CLCN6: variants seen among roughly 807,000 people sequenced by gnomAD.
CLCN6 encodes Cl-/H+ antiporter 6, also known as H(+)/Cl(-) exchange transporter 6.
Under a neutral mutation model 109.8 loss-of-function variants are expected in CLCN6, and 70 were observed. That is an observed-to-expected ratio of 0.64 (90% CI 0.53 to 0.78). The LOEUF (loss-of-function observed/expected upper bound fraction) is 0.78, where lower values mean the gene tolerates loss of function less well. CLCN6 is among the 30% of genes least tolerant of loss of function. The pLI, the probability that CLCN6 is intolerant of heterozygous loss-of-function variation, is 0.00. For synonymous variants in CLCN6, 444 were observed against 447.8 expected (o/e 0.99, Z 0.11); for missense variants, 984 against 1,142.3 (o/e 0.86, Z 2.00).
chr1:11,814,614 T>TCTCTAA (rs1644644597), intron 2 of CLCN6, among the ~76,000 whole-genome samples: 1 of 152,178 alleles, frequency 6.6e-6, no homozygotes, highest in Non-Finnish European at 1.5e-5. Context: ...TAAATGTCTG[T>TCTCTAA]GGCATACCTG....
intron 6 of CLCN6, among the ~76,000 whole-genome samples, 173 bp downstream of exon 6, chr1:11,822,974 C>G (rs1644765026): frequency 6.6e-6 from 1 of 152,262 alleles, no homozygotes; most frequent in South Asian, 2.1e-4. Flanking sequence ...GAAGAAAGGC[C>G]TCCCAGGTGA....
At chr1:11,816,986 T>A (rs751799642) in intron 4 of CLCN6, among the ~76,000 whole-genome samples, 1 of 152,194 alleles carries the variant, frequency 6.6e-6, no homozygotes, top group Non-Finnish European at 1.5e-5. Context: ...TTTTATGATA[T>A]GATTATGGAT....
chr1:11,826,639 A>G (rs1644815335), intron 9 of CLCN6, among the ~76,000 whole-genome samples: 1 of 152,212 alleles, frequency 6.6e-6, no homozygotes, highest in Non-Finnish European at 1.5e-5. Flanking sequence ...TCTTTCAATC[A>G]GAGACTCAGT....
chr1:11,827,957 G>A, intron 10 of CLCN6, 149 bp from the exon 11 acceptor site: 2 of 687,066 alleles, frequency 2.9e-6, no homozygotes, highest in East Asian at 2.5e-5. Flanking sequence ...TACCTGGGGT[G>A]TATCTACTGT....
In CLCN6 at chr1:11,816,622, G is replaced by A. The variant is rs773306820; in HGVS notation, c.221G>A (p.Arg74Gln). Residue 74 changes from arginine (R) to glutamine (Q), a missense_variant, in exon 4 of 23, where the codon CGA becomes CAA. By Grantham distance (43) the Arg-to-Gln change is conservative. Transcript: ENST00000346436. ...VLETMDNKKG[R>Q]RYEAVKWMVV... ...CTTTTCCTGTGTGAACAGAAAGGTCGAAGATATGAGGCGGTGAAGTGGATG... is the reference window on the plus strand; with the variant it reads ...CTTTTCCTGTGTGAACAGAAAGGTCAAAGATATGAGGCGGTGAAGTGGATG... 3.7e-6 allele frequency: 6 copies of A among 1,612,670 alleles called. No homozygotes were observed. In the South Asian group the frequency reaches 4.4e-5, roughly 12 times the overall value.
chr1:11,824,883 GA>G (rs1644792387), intron 8 of CLCN6, among the ~76,000 whole-genome samples: 1 of 152,186 alleles, frequency 6.6e-6, no homozygotes, highest in Admixed American at 6.5e-5. Context: ...CCAGATCCAA[GA>G]GGCTCGAAGC....
intron 3 of CLCN6, 22 bp from the exon 4 acceptor site, chr1:11,816,593 C>T: frequency 6.2e-7 from 1 of 1,607,394 alleles, no homozygotes; most frequent in Non-Finnish European, 8.5e-7. Context: ...TAAACTGAAT[C>T]ATTCTTTTCC....
intron 2 of CLCN6, among the ~76,000 whole-genome samples, chr1:11,812,143 C>G (rs1440804258): frequency 6.6e-6 from 1 of 152,164 alleles, no homozygotes; most frequent in Non-Finnish European, 1.5e-5. Context: ...TTGTCACCTG[C>G]ATTTCTCAGC....
At chr1:11,815,541 G>A (rs1221960597) in intron 2 of CLCN6, among the ~76,000 whole-genome samples, 3 of 152,158 alleles carry the variant, frequency 2.0e-5, no homozygotes, top group Non-Finnish European at 4.4e-5. Context: ...GACTACAGGT[G>A]CGCGCCACCA....
intron 5 of CLCN6, 59 bp from the exon 6 acceptor site, chr1:11,822,636 A>G (rs746116505): frequency 1.0e-6 from 1 of 991,296 alleles, no homozygotes; most frequent in Non-Finnish European, 1.6e-6. Context: ...CACCCTCTCA[A>G]GTGATGACGG....
In CLCN6 at chr1:11,837,122, A is replaced by G; in HGVS notation, c.2104A>G (p.Lys702Glu). 1 of 1,613,220 alleles carries G rather than the reference A, an allele frequency of 6.2e-7. No homozygotes were observed. Among genetic ancestry groups the G allele is most frequent in the Non-Finnish European group, 8.5e-7 (1 of 1,179,988 alleles). The change falls in exon 19 of 23, where the codon AAG (lysine) becomes GAG (glutamate). Residue 702 changes from lysine (K) to glutamate (E), a missense_variant. By Grantham distance (56) the Lys-to-Glu change is moderately conservative. Transcript: ENST00000346436. ...EHIASEEPAE[K>E]EDLLQQMLER... ...CATCGCCTCTGAGGAGCCAGCCGAG[A>G]AGGAGGACCTCCTGCAGCAGATGCT...
intron 13 of CLCN6, 119 bp from the exon 14 acceptor site, chr1:11,833,396 C>T (rs1644903717): frequency 1.1e-6 from 1 of 929,084 alleles, no homozygotes; most frequent in Non-Finnish European, 1.7e-6. Context: ...CAGTTTTTGG[C>T]CTGTTTGATT....
At chr1:11,819,615 C>A in intron 5 of CLCN6, 61 bp downstream of exon 5, 2 of 1,456,088 alleles carry the variant, frequency 1.4e-6, no homozygotes, top group Non-Finnish European at 1.9e-6. Context: ...TTCTTTCTTA[C>A]ATAGAAATGG....
intron 5 of CLCN6, chr1:11,820,347 C>T (rs1644725315): frequency 5.6e-6 from 4 of 715,096 alleles, no homozygotes; most frequent in Non-Finnish European, 1.0e-5. Flanking sequence ...ATTCCTATTT[C>T]ATACTATAAA....
chr1:11,815,576 G>T (rs1397501224), intron 2 of CLCN6, among the ~76,000 whole-genome samples: 2 of 152,118 alleles, frequency 1.3e-5, no homozygotes, highest in Admixed American at 1.3e-4. Context: ...TGTATTTTTA[G>T]TAGAGACAGG....
chr1:11,806,399 T>C, intron 1 of CLCN6, 50 bp downstream of exon 1: 1 of 1,426,204 alleles, frequency 7.0e-7, no homozygotes, highest in Non-Finnish European at 9.1e-7. Context: ...GCTAAGGGAC[T>C]GAGAGAGGCG....
Position 11,828,627 on chromosome 1 carries a change from A to ATCTGCACAG in CLCN6, c.1121+6_1121+14dup, listed in dbSNP as rs1233388466. On this transcript the variant is annotated splice_donor_region_variant and intron_variant, in intron 12 of 22. Transcript: ENST00000346436. ...CACCCGAAACCTAAGCTCGTCAGGTATCTGCACAGTCGCCTCCCCCCCGAG... is the reference window on the plus strand; with the variant it reads ...CACCCGAAACCTAAGCTCGTCAGGTATCTGCACAGTCTGCACAGTCGCCTCCCCCCCGAG... 1 of 1,600,292 alleles carries ATCTGCACAG rather than the reference A, an allele frequency of 6.2e-7. No individual in the cohort carries two copies. Among genetic ancestry groups the ATCTGCACAG allele is most frequent in the Admixed American group, 1.7e-5 (1 of 59,056 alleles).
At chr1:11,827,798 G>A (rs140528032) in intron 10 of CLCN6, among the ~76,000 whole-genome samples, 4 of 152,336 alleles carry the variant, frequency 2.6e-5, no homozygotes, top group Non-Finnish European at 5.9e-5. Context: ...ACTGGAGCCG[G>A]TCTTCTCCCT....
chr1:11,836,335 G>A (rs1277900449), intron 18 of CLCN6, among the ~76,000 whole-genome samples, 182 bp downstream of exon 18: 2 of 152,178 alleles, frequency 1.3e-5, no homozygotes, highest in East Asian at 1.9e-4. Flanking sequence ...TTATCAGGCC[G>A]TGAAGATGTG....
Sources: gnomAD v4.1 joint callset for allele counts (sites outside exome capture counted in the v4.1 genomes callset) on GRCh38, gnomAD v4.1.1 for gene constraint, MANE v1.5 for transcripts, NCBI Gene and HGNC (gene_info 2026-07-23, HGNC 2026-07-21) for gene names.